Variants in TMTC2 observed in about 807,000 individuals in gnomAD.
TMTC2 encodes protein O-mannosyl-transferase TMTC2.
Under a neutral mutation model 82.4 loss-of-function variants are expected in TMTC2, and 43 were observed. That is an observed-to-expected ratio of 0.52 (90% CI 0.41 to 0.67). The LOEUF (loss-of-function observed/expected upper bound fraction) is 0.67. TMTC2 is among the 30% of genes least tolerant of loss of function. The pLI, the probability that TMTC2 is intolerant of heterozygous loss-of-function variation, is 0.00. For synonymous variants in TMTC2, 408 were observed against 381.9 expected (o/e 1.07, Z -0.80); for missense variants, 919 against 1,012.4 (o/e 0.91, Z 1.25).
intron 1 of TMTC2, among the ~76,000 whole-genome samples, chr12:82,692,878 A>G (rs544136948): frequency 1.7e-4 from 26 of 152,364 alleles, no homozygotes; most frequent in African/African-American, 5.3e-4. Flanking sequence ...CATTGGGTGA[A>G]AAAGGCATAA....
intron 11 of TMTC2, among the ~76,000 whole-genome samples, chr12:83,096,100 C>G (rs2137526748): frequency 6.6e-6 from 1 of 152,352 alleles, no homozygotes. Context: ...TCAAATATGC[C>G]TTCTACATAT....
intron 8 of TMTC2, among the ~76,000 whole-genome samples, chr12:82,989,192 G>T (rs954881062): frequency 4.0e-5 from 6 of 151,842 alleles, no homozygotes; most frequent in African/African-American, 1.4e-4. Context: ...TAAAGGTAAT[G>T]AAATCATCTT....
At chr12:82,856,764 T>G (rs1871275252) in intron 1 of TMTC2, among the ~76,000 whole-genome samples, 2 of 152,118 alleles carry the variant, frequency 1.3e-5, no homozygotes, top group South Asian at 4.1e-4. Context: ...GTTGAAGAAC[T>G]TTATTCTTCA....
intron 4 of TMTC2, among the ~76,000 whole-genome samples, chr12:82,948,337 C>G (rs1386199647): frequency 1.3e-5 from 2 of 151,104 alleles, no homozygotes; most frequent in Non-Finnish European, 2.9e-5. Flanking sequence ...TGCACTCCAG[C>G]CTGGACAACA....
chr12:82,734,545 A>T (rs562693708), intron 1 of TMTC2, among the ~76,000 whole-genome samples: 23 of 152,270 alleles, frequency 1.5e-4, no homozygotes, highest in African/African-American at 5.1e-4. Flanking sequence ...TGCCTAAGAA[A>T]TTCTTTCCTT....
intron 1 of TMTC2, among the ~76,000 whole-genome samples, chr12:82,776,019 C>T (rs1451393266): frequency 6.6e-6 from 1 of 151,954 alleles, no homozygotes; most frequent in East Asian, 1.9e-4. Context: ...TGTGTGTGCA[C>T]CCGTAAAACC....
rs143127751 is a variant in TMTC2 at position 83,019,851 on chromosome 12, C to T, written c.2071-10947C>T. Among the ~76,000 whole-genome samples the T allele has an allele frequency of 4.2e-3, 635 of 152,258 alleles. 4 individuals are homozygous for T. Among genetic ancestry groups the T allele is most frequent in the African/African-American group, 0.014 (599 of 41,560 alleles). The stretch of plus-strand genomic sequence containing the variant: ...TACCCTCAGAGTGATATTCATAAAA[C>T]AGCGGCTAGCATCTTAGTATGACTG... On this transcript the variant is annotated intron_variant, in intron 8 of 11. Transcript: ENST00000321196.
chr12:82,785,892 A>C (rs2137015709), intron 1 of TMTC2, among the ~76,000 whole-genome samples: 1 of 152,244 alleles, frequency 6.6e-6, no homozygotes, highest in South Asian at 2.1e-4. Context: ...ACTGGGTAGA[A>C]GTTTATGTCA....
At chr12:83,001,726 T>A (rs1879934845) in intron 8 of TMTC2, among the ~76,000 whole-genome samples, 1 of 138,080 alleles carries the variant, frequency 7.2e-6, no homozygotes, top group Non-Finnish European at 1.6e-5. Context: ...TTCACAGATC[T>A]CTAGGGCAAG....
chr12:82,688,217 A>G (rs1339522703), intron 1 of TMTC2, among the ~76,000 whole-genome samples: 5 of 152,208 alleles, frequency 3.3e-5, no homozygotes, highest in Admixed American at 6.5e-5. Context: ...ACTTTGAGCC[A>G]AAATAATGCT....
chr12:83,107,771 A>AC (rs11403592), intron 11 of TMTC2, among the ~76,000 whole-genome samples: 132,644 of 152,068 alleles, frequency 0.87, 57,984 homozygotes, highest in South Asian at 0.89. Flanking sequence ...CATCCTTATG[A>AC]CCCCCCGTGC....
intron 4 of TMTC2, among the ~76,000 whole-genome samples, chr12:82,934,707 A>G (rs1168062864): frequency 6.6e-6 from 1 of 152,112 alleles, no homozygotes; most frequent in Non-Finnish European, 1.5e-5. Context: ...ATGTGTCTTT[A>G]TAGTAGAATG....
chr12:83,053,281 T>C (rs998044529), intron 10 of TMTC2, among the ~76,000 whole-genome samples: 2 of 152,096 alleles, frequency 1.3e-5, no homozygotes, highest in Non-Finnish European at 2.9e-5. Context: ...TTGAGAGATA[T>C]TTAGGAGACA....
chr12:82,726,450 C>T (rs1279519125), intron 1 of TMTC2, among the ~76,000 whole-genome samples: 1 of 152,140 alleles, frequency 6.6e-6, no homozygotes, highest in Non-Finnish European at 1.5e-5. Flanking sequence ...TTGGGCTAGA[C>T]ACTTTACATA....
chr12:82,969,738 G>A (rs970677957), intron 7 of TMTC2, among the ~76,000 whole-genome samples: 1 of 151,854 alleles, frequency 6.6e-6, no homozygotes, highest in Non-Finnish European at 1.5e-5. Context: ...TTTTATTATG[G>A]CAGCTTATAA....
chr12:83,024,919 T>C (rs1224840231), intron 8 of TMTC2, among the ~76,000 whole-genome samples: 1 of 152,166 alleles, frequency 6.6e-6, no homozygotes, highest in East Asian at 1.9e-4. Context: ...GGGCCATACA[T>C]GGTGGCTCAC....
At position 82,696,963 on chromosome 12, in the gene TMTC2, CGTATATATATAT is replaced by C. The variant is rs1200683231; in HGVS notation, c.83+9295_83+9306del. Among the ~76,000 whole-genome samples the C allele has an allele frequency of 4.9e-5, 6 of 121,422 alleles. 1 individual carries two copies. The highest frequency in any genetic ancestry group is 1.9e-4 in the African/African-American group (6 of 32,232). 79.7% of individuals were successfully genotyped at this position (121,422 alleles called of 152,430 possible). A position where few individuals can be genotyped will look rare whatever the true frequency, so the allele number is the denominator to read the frequency against. On this transcript the variant is annotated intron_variant, in intron 1 of 11. Coordinates refer to ENST00000321196, the MANE Select transcript of TMTC2 (RefSeq NM_152588.3). ...AGCTCTCTTTCTACATACATACATA[CGTATATATATAT>C]ATATATATGTTTCTATTAATAGATC...
At chr12:82,759,025 T>G (rs906928002) in intron 1 of TMTC2, 2 of 152,194 alleles carry the variant, frequency 1.3e-5, no homozygotes, top group Non-Finnish European at 2.9e-5. Flanking sequence ...GTTTCATCAT[T>G]GGTTAAAAAA....
chr12:83,087,716 G>A (rs1883708597), intron 11 of TMTC2, among the ~76,000 whole-genome samples: 1 of 152,224 alleles, frequency 6.6e-6, no homozygotes. Flanking sequence ...TGAGCAGTAG[G>A]TCTGAACAGT....
Sources: gnomAD v4.1 joint callset for allele counts (sites outside exome capture counted in the v4.1 genomes callset) on GRCh38, gnomAD v4.1.1 for gene constraint, MANE v1.5 for transcripts, NCBI Gene and HGNC (gene_info 2026-07-23, HGNC 2026-07-21) for gene names.